RAVER2: variants seen among roughly 807,000 people sequenced by gnomAD.
The protein encoded by RAVER2 is ribonucleoprotein, PTB binding 2, also known as ribonucleoprotein PTB-binding 2.
A neutral mutation model predicts 78.1 loss-of-function variants in RAVER2; 46 were observed. That is an observed-to-expected ratio of 0.59 (90% CI 0.46 to 0.75). The LOEUF (loss-of-function observed/expected upper bound fraction) is 0.75. Ranked by LOEUF, RAVER2 falls within the 30% of genes least tolerant of loss-of-function variation. The pLI, the probability that RAVER2 is intolerant of heterozygous loss-of-function variation, is 0.00. For missense variants in RAVER2, 793 were observed against 837.5 expected, an observed-to-expected ratio of 0.95 and a Z score of 0.66; for synonymous variants, 311 against 313.3, an observed-to-expected ratio of 0.99 and a Z score of 0.08.
chr1:64,759,697 T>C (rs1651966622), intron 1 of RAVER2, among the ~76,000 whole-genome samples: 4 of 152,120 alleles, frequency 2.6e-5, no homozygotes, highest in Non-Finnish European at 1.5e-5. Context: ...TTTATATTTT[T>C]AGTAGAGACT....
intron 11 of RAVER2, among the ~76,000 whole-genome samples, chr1:64,821,471 C>G (rs939410690): frequency 2.6e-5 from 4 of 152,092 alleles, no homozygotes; most frequent in Non-Finnish European, 5.9e-5. Flanking sequence ...TTGCCCGTTC[C>G]TATGTCCAAG....
intron 2 of RAVER2, among the ~76,000 whole-genome samples, chr1:64,770,150 T>A (rs553685890): frequency 2.0e-5 from 3 of 152,138 alleles, no homozygotes; most frequent in South Asian, 2.1e-4. Context: ...TTTAGTTGAT[T>A]ACTAATATAC....
exon 12 of RAVER2, chr1:64,832,301 C>CTCTT (rs1654167153): frequency 6.6e-6 from 1 of 152,432 alleles, no homozygotes; most frequent in Non-Finnish European, 1.5e-5. Context: ...TTCTCTCTCA[C>CTCTT]TCTTTTTGAT....
At chr1:64,775,581 A>C (rs1275235822) in intron 2 of RAVER2, among the ~76,000 whole-genome samples, 2 of 152,212 alleles carry the variant, frequency 1.3e-5, no homozygotes, top group Non-Finnish European at 2.9e-5. Flanking sequence ...GTGGCCACAC[A>C]GGTGTTACTG....
At chr1:64,786,795 GAA>G (rs571259796) in intron 4 of RAVER2, among the ~76,000 whole-genome samples, 1 of 142,252 alleles carries the variant, frequency 7.0e-6, no homozygotes, top group Admixed American at 6.9e-5. Flanking sequence ...TCTGTCTCAA[GAA>G]AAAAAAAAAA....
In RAVER2 at chr1:64,763,254, G is replaced by GCA. The variant is rs1410606946; in HGVS notation, c.250-5401_250-5400insAC. Among the ~76,000 whole-genome samples, 316 of 152,118 alleles carry GCA rather than the reference G, an allele frequency of 2.1e-3. 1 individual carries two copies. The highest frequency in any genetic ancestry group is 7.4e-3 in the African/African-American group (307 of 41,494). On this transcript the variant is annotated intron_variant, in intron 1 of 11. Coordinates refer to ENST00000294428, the Ensembl canonical transcript of RAVER2. ...GGAGCTTGCAGTGAGCCGAGATCAT[G>GCA]CCACTGCACTCCAGCCTGGGCGACA...
chr1:64,756,823 A>G (rs183268366), intron 1 of RAVER2, among the ~76,000 whole-genome samples: 5 of 152,216 alleles, frequency 3.3e-5, no homozygotes, highest in Admixed American at 6.5e-5. Context: ...CTTGTTGTCT[A>G]TGACCCTGAT....
chr1:64,748,575 C>G (rs1651607652), intron 1 of RAVER2, among the ~76,000 whole-genome samples: 1 of 152,168 alleles, frequency 6.6e-6, no homozygotes, highest in African/African-American at 2.4e-5. Context: ...TGTGTTCTGT[C>G]TGAGAATTTT....
intron 1 of RAVER2, among the ~76,000 whole-genome samples, chr1:64,751,799 C>G (rs975399925): frequency 6.6e-6 from 1 of 151,752 alleles, no homozygotes; most frequent in Non-Finnish European, 1.5e-5. Flanking sequence ...TTAAAAAAAG[C>G]TTTATGCTTA....
chr1:64,820,794 T>C (rs1653869862), intron 11 of RAVER2, among the ~76,000 whole-genome samples: 1 of 152,230 alleles, frequency 6.6e-6, no homozygotes, highest in African/African-American at 2.4e-5. Context: ...GTACCACATA[T>C]CCAGTCTGTC....
chr1:64,816,021 AT>A (rs1653748007), intron 11 of RAVER2: 1 of 152,218 alleles, frequency 6.6e-6, no homozygotes, highest in Non-Finnish European at 1.5e-5. Flanking sequence ...TTTACAAGAT[AT>A]AGTCCTGTAC....
At chr1:64,807,732 A>C (rs112420499) in intron 9 of RAVER2, among the ~76,000 whole-genome samples, 4,810 of 152,284 alleles carry the variant, frequency 0.032, 118 homozygotes, top group Non-Finnish European at 0.048. Flanking sequence ...TTGTAAGTAA[A>C]GTAATTTTAA....
intron 2 of RAVER2, among the ~76,000 whole-genome samples, chr1:64,775,322 C>T (rs916210078): frequency 2.0e-5 from 3 of 152,170 alleles, no homozygotes; most frequent in African/African-American, 7.2e-5. Flanking sequence ...GCTTTCATAG[C>T]CCCTCATACT....
chr1:64,801,859 C>T (rs1317004562), intron 5 of RAVER2, among the ~76,000 whole-genome samples: 2 of 152,190 alleles, frequency 1.3e-5, no homozygotes, highest in African/African-American at 4.8e-5. Flanking sequence ...TAGAGTGTGA[C>T]TCTGTCTCAA....
intron 9 of RAVER2, among the ~76,000 whole-genome samples, chr1:64,810,380 A>G (rs1199405799): frequency 1.3e-5 from 2 of 152,214 alleles, no homozygotes; most frequent in Non-Finnish European, 2.9e-5. Context: ...TGATGAGGAT[A>G]CTGTTCCTGC....
At chr1:64,811,155 T>C (rs1453580723) in intron 9 of RAVER2, among the ~76,000 whole-genome samples, 1 of 152,146 alleles carries the variant, frequency 6.6e-6, no homozygotes, top group Non-Finnish European at 1.5e-5. Flanking sequence ...AAAATAAAGA[T>C]GCAGTATTAA....
chr1:64,750,559 T>C (rs1450143401), intron 1 of RAVER2, among the ~76,000 whole-genome samples: 2 of 152,170 alleles, frequency 1.3e-5, no homozygotes, highest in African/African-American at 4.8e-5. Context: ...TACGTATTCC[T>C]GTTTATACAT....
chr1:64,768,812 A>C (rs990895988), intron 2 of RAVER2, 90 bp downstream of exon 2: 1 of 799,826 alleles, frequency 1.3e-6, no homozygotes, highest in Non-Finnish European at 2.0e-6. Context: ...TTCATGCTTA[A>C]GCTAATCATG....
At chr1:64,778,368 C>T (rs1018137649) in intron 3 of RAVER2, among the ~76,000 whole-genome samples, 1 of 152,150 alleles carries the variant, frequency 6.6e-6, no homozygotes, top group African/African-American at 2.4e-5. Context: ...ATTTTTCCAT[C>T]AATCCATTTA....
Sources: allele counts gnomAD v4.1 joint callset (sites outside exome capture counted in the v4.1 genomes callset), GRCh38; gene constraint gnomAD v4.1.1; transcripts MANE v1.5; gene names NCBI Gene and HGNC (gene_info 2026-07-23, HGNC 2026-07-21).